Variants in TMC2 observed in about 807,000 individuals in gnomAD.
TMC2 encodes the protein transmembrane channel-like protein 2.
Under a neutral mutation model 105.9 loss-of-function variants are expected in TMC2, and 102 were observed. The ratio of observed to expected loss-of-function variants is 0.96; its 90% confidence interval spans 0.82 to 1.14. The LOEUF (loss-of-function observed/expected upper bound fraction) is 1.14, where lower values mean the gene tolerates loss of function less well. TMC2 is among the 50% of genes most tolerant of loss of function. The pLI is 0.00. For synonymous variants in TMC2, 402 were observed against 422.8 expected (o/e 0.95, Z 0.60); for missense variants, 1,093 against 1,134.3 (o/e 0.96, Z 0.52).
At chr20:2,604,114 T>C (rs112075458) in intron 11 of TMC2, among the ~76,000 whole-genome samples, 4,330 of 152,256 alleles carry the variant, frequency 0.028, 220 homozygotes, top group African/African-American at 0.096. Flanking sequence ...CCAGCAGAAG[T>C]GGGCATCGCT....
intron 12 of TMC2, 23 bp from the exon 13 acceptor site, chr20:2,612,168 C>T: frequency 1.9e-6 from 3 of 1,572,810 alleles, no homozygotes; most frequent in Non-Finnish European, 2.6e-6. Context: ...CTTCCTACCC[C>T]ACACCTCCAT....
intron 2 of TMC2, among the ~76,000 whole-genome samples, chr20:2,544,068 ATTTTTTTTT>A: frequency 7.5e-6 from 1 of 132,486 alleles, no homozygotes; most frequent in Middle Eastern, 3.8e-3. Context: ...TGCCTAGCTG[ATTTTTTTTT>A]TTTTTTTTTT....
At chr20:2,560,786 G>A (rs917267328) in intron 3 of TMC2, among the ~76,000 whole-genome samples, 5 of 150,724 alleles carry the variant, frequency 3.3e-5, no homozygotes, top group Admixed American at 2.6e-4. Flanking sequence ...GCAGTGAGCC[G>A]AGATTGCGCC....
chr20:2,589,269 C>CGTGTGTGTGTGTGT (rs764448789), intron 7 of TMC2, among the ~76,000 whole-genome samples: 2,650 of 84,642 alleles, frequency 0.031, 236 homozygotes, highest in Admixed American at 0.039. Context: ...TCCTATTTGC[C>CGTGTGTGTGTGTGT]CTGTGTGTGT....
chr20:2,565,451 G>A (rs1052396728), intron 4 of TMC2, among the ~76,000 whole-genome samples: 18 of 152,244 alleles, frequency 1.2e-4, no homozygotes, highest in African/African-American at 2.2e-4. Context: ...CTATGTTGCC[G>A]GGACTGGTCT....
rs373892265 is a variant in TMC2 at position 2,613,175 on chromosome 20, T to C, written c.1744-19T>C. 86 of 1,607,466 alleles carry C rather than the reference T, an allele frequency of 5.4e-5. No individual in the cohort carries two copies. The highest frequency in any genetic ancestry group is 7.1e-5 in the Non-Finnish European group (83 of 1,175,196). On this transcript the variant is annotated intron_variant, in intron 13 of 19. Coordinates refer to ENST00000358864, the MANE Select transcript of TMC2 (RefSeq NM_080751.3). ...GGGCAAGGTCTCCAACCACCCCCTCTTCCTGTGTTCCTCTGCAGGAATTCA... is the reference window on the plus strand; with the variant it reads ...GGGCAAGGTCTCCAACCACCCCCTCCTCCTGTGTTCCTCTGCAGGAATTCA...
intron 16 of TMC2, chr20:2,618,139 A>G (rs947635677): frequency 6.6e-6 from 1 of 152,282 alleles, no homozygotes; most frequent in Non-Finnish European, 1.5e-5. Context: ...TATTTGTACC[A>G]GTTAACCAAC....
chr20:2,640,854 G>A (rs1444283211), intron 19 of TMC2, among the ~76,000 whole-genome samples: 3 of 151,996 alleles, frequency 2.0e-5, no homozygotes, highest in Middle Eastern at 3.2e-3. Flanking sequence ...CGTTATTCTT[G>A]TCCCAATTTT....
chr20:2,555,567 T>C (rs1301042394), intron 2 of TMC2, among the ~76,000 whole-genome samples: 1 of 152,194 alleles, frequency 6.6e-6, no homozygotes, highest in Non-Finnish European at 1.5e-5. Flanking sequence ...TATACTTGGG[T>C]CTTGGTTTTT....
chr20:2,573,310 GGATACCAT>G (rs2122859081), intron 5 of TMC2, among the ~76,000 whole-genome samples: 1 of 151,948 alleles, frequency 6.6e-6, no homozygotes, highest in East Asian at 1.9e-4. Context: ...TTCACATCTA[GGATACCAT>G]ACATTTCTCA....
At chr20:2,629,534 A>AAAAAAAG (rs2086588457) in intron 17 of TMC2, among the ~76,000 whole-genome samples, 1 of 150,824 alleles carries the variant, frequency 6.6e-6, no homozygotes, top group African/African-American at 2.4e-5. Flanking sequence ...AGAAGTAAAA[A>AAAAAAAG]AAAAAAAAAA....
rs530200265 is a variant in TMC2 at position 2,563,657 on chromosome 20, G to A, written c.554+1647G>A. Among the ~76,000 whole-genome samples the A allele has an allele frequency of 2.8e-4, 43 of 152,262 alleles. No homozygotes were observed. In the South Asian group the frequency reaches 5.8e-3, roughly 21 times the overall value. On this transcript the variant is annotated intron_variant, in intron 4 of 19. Transcript: ENST00000358864. ...AAGAAACAAGTATGGGAGGTAATGC[G>A]TATGTTAATTAACTCGATTTGACAA...
chr20:2,602,424 C>T (rs1337707975), intron 11 of TMC2, 123 bp downstream of exon 11: 3 of 675,384 alleles, frequency 4.4e-6, no homozygotes, highest in Admixed American at 3.9e-5. Flanking sequence ...AGTGAAATTA[C>T]ATCCCCTTCC....
At position 2,537,258 on chromosome 20, in the gene TMC2, G is replaced by GGC; in HGVS notation, c.35-11_35-10insGC. The GGC allele has an allele frequency of 6.3e-7, 1 of 1,598,820 alleles. No individual in the cohort carries two copies. Among genetic ancestry groups the GGC allele is most frequent in the Non-Finnish European group, 8.5e-7 (1 of 1,172,654 alleles). On this transcript the variant is annotated splice_polypyrimidine_tract_variant and intron_variant, in intron 1 of 19. Transcript: ENST00000358864. ...AGGCCAGCCATTTGTCAGCAATCCT[G>GGC]TCTCTTACAGCACGAGGCGGAGTGA... is the stretch of plus-strand genomic sequence containing the variant.
In TMC2 at chr20:2,558,600, G is replaced by A. The variant is rs1172017274; in HGVS notation, c.227G>A (p.Arg76His). 6.4e-7 allele frequency: 1 copy of A among 1,556,468 alleles called. No homozygotes were observed. The highest frequency in any genetic ancestry group is 8.7e-7 in the Non-Finnish European group (1 of 1,149,618). Residue 76 changes from arginine (R) to histidine (H), a missense_variant, in exon 3 of 20, where the codon CGC becomes CAC. Arg to His is a conservative substitution (Grantham distance 29, BLOSUM62 0). Coordinates refer to ENST00000358864, the MANE Select transcript of TMC2 (RefSeq NM_080751.3). This position sits in a 1 kb window ranked among gnomAD's most constrained non-coding sequence, Gnocchi z 4.6. ...PGSPRRKQTGRRRHREELGEQ... is the reference protein window; with the variant it reads ...PGSPRRKQTGHRRHREELGEQ... ...TCTCCCCGGAGGAAGCAAACAGGGC[G>A]CAGGAGACACAGAGAAGAGCTGGGG...
intron 13 of TMC2, 57 bp from the exon 14 acceptor site, chr20:2,613,136 AG>A (rs1448170924): frequency 6.4e-7 from 1 of 1,571,420 alleles, no homozygotes; most frequent in African/African-American, 1.4e-5. Context: ...ACTCTCAGGG[AG>A]GGTGGGAGAA....
At chr20:2,550,035 TA>T (rs1173290133) in intron 2 of TMC2, among the ~76,000 whole-genome samples, 1 of 151,800 alleles carries the variant, frequency 6.6e-6, no homozygotes, top group Admixed American at 6.6e-5. Context: ...ATACAAAAAT[TA>T]GTTGGGCATA....
chr20:2,588,549 G>C (rs2086246269), intron 7 of TMC2, among the ~76,000 whole-genome samples: 1 of 152,212 alleles, frequency 6.6e-6, no homozygotes, highest in African/African-American at 2.4e-5. Flanking sequence ...CTTTGGATCT[G>C]TAGCACTTAC....
chr20:2,563,351 C>T (rs765733878), intron 4 of TMC2, among the ~76,000 whole-genome samples: 3 of 152,186 alleles, frequency 2.0e-5, no homozygotes, highest in Non-Finnish European at 2.9e-5. Context: ...AACACCTCCT[C>T]GTAGTGCCTC....
Sources: allele counts gnomAD v4.1 joint callset (sites outside exome capture counted in the v4.1 genomes callset), GRCh38; gene constraint gnomAD v4.1.1; non-coding constraint Gnocchi (gnomAD v3.1); transcripts MANE v1.5; gene names NCBI Gene and HGNC (gene_info 2026-07-23, HGNC 2026-07-21).